Variants in LRMDA observed in about 807,000 individuals in gnomAD.
The protein encoded by LRMDA is leucine rich melanocyte differentiation associated.
A neutral mutation model predicts 29.8 loss-of-function variants in LRMDA; 18 were observed. The observed-to-expected ratio is 0.60, with a 90% confidence interval of 0.42 to 0.90. The LOEUF (loss-of-function observed/expected upper bound fraction) is 0.90, where lower values mean the gene tolerates loss of function less well. LRMDA is among the 40% of genes least tolerant of loss of function. The pLI is 0.00. For synonymous variants in LRMDA, 125 were observed against 109.4 expected, an observed-to-expected ratio of 1.14 and a Z score of -0.89; for missense variants, 273 against 273.9, an observed-to-expected ratio of 1.00 and a Z score of 0.02.
At chr10:75,600,617 T>C (rs1840871263) in intron 2 of LRMDA, among the ~76,000 whole-genome samples, 1 of 152,162 alleles carries the variant, frequency 6.6e-6, no homozygotes, top group Non-Finnish European at 1.5e-5. Flanking sequence ...GGGGCTAAAG[T>C]TCCCAGATTT....
At chr10:75,901,892 T>G (rs966550520) in intron 2 of LRMDA, among the ~76,000 whole-genome samples, 1 of 152,186 alleles carries the variant, frequency 6.6e-6, no homozygotes, top group Non-Finnish European at 1.5e-5. Context: ...GCTCCCCAAG[T>G]CATCAACCTG....
intron 5 of LRMDA, among the ~76,000 whole-genome samples, chr10:76,238,567 G>A (rs924265854): frequency 1.3e-5 from 2 of 151,120 alleles, no homozygotes; most frequent in Admixed American, 6.6e-5. Context: ...TGGGCATGCA[G>A]GAGGGGAAGG....
intron 2 of LRMDA, among the ~76,000 whole-genome samples, chr10:75,499,106 A>G (rs1478907389): frequency 6.6e-6 from 1 of 152,162 alleles, no homozygotes; most frequent in African/African-American, 2.4e-5. Flanking sequence ...CCTGGAATCT[A>G]GACACCCTCT....
intron 6 of LRMDA, among the ~76,000 whole-genome samples, chr10:76,333,981 A>T (rs369774686): frequency 2.6e-5 from 4 of 152,178 alleles, no homozygotes; most frequent in African/African-American, 9.7e-5. Context: ...CTCTCCCACC[A>T]TTCATGCATG....
At chr10:75,997,829 A>T (rs1261886668) in intron 2 of LRMDA, among the ~76,000 whole-genome samples, 2 of 152,110 alleles carry the variant, frequency 1.3e-5, no homozygotes, top group Non-Finnish European at 2.9e-5. Flanking sequence ...ACTGATGGAG[A>T]TTAACGAAAT....
intron 3 of LRMDA, among the ~76,000 whole-genome samples, chr10:76,045,466 C>T (rs1848422723): frequency 6.6e-6 from 1 of 151,372 alleles, no homozygotes; most frequent in Admixed American, 6.6e-5. Flanking sequence ...TTGCTAGTTT[C>T]CCCCTCTTTT....
intron 2 of LRMDA, among the ~76,000 whole-genome samples, chr10:75,753,372 C>G (rs1842990310): frequency 6.6e-6 from 1 of 152,100 alleles, no homozygotes; most frequent in East Asian, 1.9e-4. Context: ...TCCTATGGTT[C>G]TAATAAAACA....
intron 2 of LRMDA, among the ~76,000 whole-genome samples, chr10:75,764,392 A>T (rs1843134599): frequency 6.6e-6 from 1 of 152,168 alleles, no homozygotes. Context: ...GAAAGTCTTT[A>T]TGCAAAACAG....
chr10:75,794,834 CTA>C (rs1266507895), intron 2 of LRMDA, among the ~76,000 whole-genome samples: 1 of 152,052 alleles, frequency 6.6e-6, no homozygotes, highest in Non-Finnish European at 1.5e-5. Context: ...CATCCTATGT[CTA>C]TATTTATTTA....
chr10:76,382,935 A>T (rs1186965449), intron 6 of LRMDA, among the ~76,000 whole-genome samples: 1 of 152,210 alleles, frequency 6.6e-6, no homozygotes, highest in African/African-American at 2.4e-5. Flanking sequence ...CAGCCAGCAC[A>T]CTGTTTGTAA....
At chr10:75,854,803 C>A (rs147444693) in intron 2 of LRMDA, among the ~76,000 whole-genome samples, 3 of 151,698 alleles carry the variant, frequency 2.0e-5, no homozygotes, top group African/African-American at 7.3e-5. Flanking sequence ...CACCTATGAG[C>A]GAGAACATGC....
intron 5 of LRMDA, among the ~76,000 whole-genome samples, chr10:76,274,807 A>G (rs1840111288): frequency 6.6e-6 from 1 of 152,174 alleles, no homozygotes; most frequent in African/African-American, 2.4e-5. Flanking sequence ...AGGATCACTC[A>G]CTGCTTTTCT....
At chr10:76,340,141 A>C (rs1304991290) in intron 6 of LRMDA, among the ~76,000 whole-genome samples, 1 of 152,196 alleles carries the variant, frequency 6.6e-6, no homozygotes, top group Non-Finnish European at 1.5e-5. Flanking sequence ...GTTTACTTTT[A>C]GAATTTATCA....
intron 5 of LRMDA, among the ~76,000 whole-genome samples, chr10:76,163,147 C>T (rs1334502286): frequency 1.3e-5 from 2 of 152,126 alleles, no homozygotes; most frequent in Admixed American, 1.3e-4. Context: ...GTAACTATAT[C>T]AAAGAAAAGA....
At chr10:76,119,147 T>G (rs561383743) in intron 5 of LRMDA, among the ~76,000 whole-genome samples, 173 of 152,306 alleles carry the variant, frequency 1.1e-3, no homozygotes, top group Non-Finnish European at 2.2e-3. Context: ...TAGCCTGTCC[T>G]GTGTTTGACA....
intron 6 of LRMDA, among the ~76,000 whole-genome samples, chr10:76,331,008 C>T (rs2758981): frequency 0.3 from 45,486 of 152,088 alleles, 8,778 homozygotes; most frequent in Non-Finnish European, 0.43. Flanking sequence ...CCGTGGCTCA[C>T]GCCTGTAATC....
At chr10:76,223,962 T>C (rs1458519443) in intron 5 of LRMDA, among the ~76,000 whole-genome samples, 1 of 152,116 alleles carries the variant, frequency 6.6e-6, no homozygotes, top group Non-Finnish European at 1.5e-5. Flanking sequence ...ATATGGAAGG[T>C]TGACTGGGAT....
intron 6 of LRMDA, among the ~76,000 whole-genome samples, chr10:76,432,975 A>G (rs983677182): frequency 4.6e-5 from 7 of 152,186 alleles, no homozygotes; most frequent in African/African-American, 1.4e-4. Flanking sequence ...GAGGCCCAGG[A>G]AGAAGGACAG....
At chr10:76,501,675 T>C (rs1009226288) in intron 6 of LRMDA, among the ~76,000 whole-genome samples, 2 of 152,018 alleles carry the variant, frequency 1.3e-5, no homozygotes, top group Admixed American at 6.6e-5. Context: ...ATGTGTCTGT[T>C]CATGTCCTTT....
Sources: allele counts gnomAD v4.1 joint callset (sites outside exome capture counted in the v4.1 genomes callset), GRCh38; gene constraint gnomAD v4.1.1; transcripts MANE v1.5; gene names NCBI Gene and HGNC (gene_info 2026-07-23, HGNC 2026-07-21).